The following REXO4 variants were observed in gnomAD, a reference collection of about 807,000 sequenced individuals.
REXO4 encodes the protein REX4 homolog, 3'-5' exonuclease.
Under a neutral mutation model 39.9 loss-of-function variants are expected in REXO4, and 29 were observed. That is an observed-to-expected ratio of 0.73 (90% CI 0.54 to 0.99). REXO4 has a LOEUF of 0.99. Ranked by LOEUF, REXO4 falls within the 50% of genes least tolerant of loss-of-function variation. The pLI, the probability that REXO4 is intolerant of heterozygous loss-of-function variation, is 0.00. For missense variants in REXO4, 524 were observed against 546.5 expected, an observed-to-expected ratio of 0.96 and a Z score of 0.41; for synonymous variants, 184 against 206.2, an observed-to-expected ratio of 0.89 and a Z score of 0.92.
At chr9:133,412,986 T>G (rs1384955235) in intron 2 of REXO4, 65 bp from the exon 3 acceptor site, 19 of 1,564,962 alleles carry the variant, frequency 1.2e-5, no homozygotes, top group Non-Finnish European at 1.7e-5. Context: ...GGTGGGGCTG[T>G]GGGGCTGACT....
At position 133,414,872 on chromosome 9, in the gene REXO4, C is replaced by G; in HGVS notation, c.365G>C (p.Gly122Ala). 6.2e-7 allele frequency: 1 copy of G among 1,614,166 alleles called. No homozygotes were observed. The highest frequency in any genetic ancestry group is 8.5e-7 in the Non-Finnish European group (1 of 1,180,036). The change falls in exon 2 of 8, where the codon GGA becomes GCA. Residue 122 changes from glycine to alanine, a missense_variant. Physicochemically the swap from Gly to Ala is moderately conservative, Grantham distance 60 (BLOSUM62 0). Transcript: ENST00000371942. ...GCCCCTGCTGGCCTCCTGGTCTTTT[C>G]CTGCCGGCATCTCCTCTCCCTTCAC... Reference protein sequence around the residue: ...PQVKGEEMPAGKDQEASRGSV... With the variant: ...PQVKGEEMPAAKDQEASRGSV...
intron 2 of REXO4, chr9:133,414,363 G>A (rs920010066): frequency 5.1e-6 from 3 of 593,332 alleles, no homozygotes; most frequent in Non-Finnish European, 9.5e-6. Context: ...CCACCCAACT[G>A]GCGAGAAGCA....
At position 133,412,866 on chromosome 9, in the gene REXO4, G is replaced by C. The variant is rs1839303970; in HGVS notation, c.628C>G (p.Pro210Ala). 6.2e-7 allele frequency: 1 copy of C among 1,613,976 alleles called. No individual in the cohort carries two copies. The highest frequency in any genetic ancestry group is 1.3e-5 in the African/African-American group (1 of 74,936). Residue 210 changes from proline to alanine, a missense_variant, in exon 3 of 8, where the codon CCA becomes GCA. Pro to Ala is a conservative substitution (Grantham distance 27). Coordinates refer to ENST00000371942, the MANE Select transcript of REXO4 (RefSeq NM_020385.4). ...DPADIEAAIGPEAAKIARKQL... is the reference protein window; with the variant it reads ...DPADIEAAIGAEAAKIARKQL... ...TTCCTCGCTATCTTGGCCGCCTCTG[G>C]ACCTATGGCAGCTTCGATATCCGCT...
chr9:133,415,033 A>G, intron 1 of REXO4, 22 bp from the exon 2 acceptor site: 2 of 1,559,042 alleles, frequency 1.3e-6, no homozygotes, highest in Non-Finnish European at 1.7e-6. Context: ...AATAAAATAC[A>G]TGCTGCATTT....
chr9:133,414,531 G>A (rs782643854), intron 2 of REXO4, 134 bp downstream of exon 2: 1 of 831,322 alleles, frequency 1.2e-6, no homozygotes, highest in South Asian at 1.4e-5. Context: ...GTAACAGCGA[G>A]TAAACAAAGG....
Position 133,406,935 on chromosome 9 carries a change from A to C in REXO4, c.*18T>G, listed in dbSNP as rs1554778919. 2 of 1,608,838 alleles carry C rather than the reference A, an allele frequency of 1.2e-6. No homozygotes were observed. ...ATTGCCTCTGTAGCGGGGCGGCAGCAGCAGCAGGGCAGGACTGCTAGGCGT... is the reference window on the plus strand; with the variant it reads ...ATTGCCTCTGTAGCGGGGCGGCAGCCGCAGCAGGGCAGGACTGCTAGGCGT... On this transcript the variant is annotated 3_prime_UTR_variant, in exon 8 of 8. Transcript: ENST00000371942.
intron 2 of REXO4, chr9:133,414,369 A>C (rs1344823536): frequency 3.3e-6 from 2 of 610,298 alleles, no homozygotes; most frequent in Non-Finnish European, 6.1e-6. Context: ...AACTGGCGAG[A>C]AGCAGGGACA....
chr9:133,412,929 G>C lies in REXO4; in HGVS notation c.573-8C>G. On this transcript the variant is annotated splice_polypyrimidine_tract_variant and splice_region_variant and intron_variant, in intron 2 of 7. Coordinates refer to ENST00000371942, the MANE Select transcript of REXO4 (RefSeq NM_020385.4). ...TCAAACCAGATGTCTTCCCTAAAAG[G>C]CAAAGATAACAGGCTGATCACCAGA... The C allele has an allele frequency of 1.2e-6, 2 of 1,613,268 alleles. No homozygotes were observed. The highest frequency in any genetic ancestry group is 1.7e-6 in the Non-Finnish European group (2 of 1,179,770).
chr9:133,406,954 T>A lies in REXO4; in HGVS notation c.1268A>T (p.Ter423LeuextTer47). ...GGCAGCAGCAGCAGGGCAGGACTGCTAGGCGTCGTCACTGCAGTGGTCTGG... is the reference window on the plus strand; with the variant it reads ...GGCAGCAGCAGCAGGGCAGGACTGCAAGGCGTCGTCACTGCAGTGGTCTGG... The part of the protein sequence containing the change: ...TAPDHCSDDA[*>L] Residue 423 changes from the stop codon to leucine, a stop_lost, in exon 8 of 8, where the codon TAG becomes TTG. Transcript: ENST00000371942. 6.2e-7 allele frequency: 1 copy of A among 1,610,728 alleles called. No individual in the cohort carries two copies. The highest frequency in any genetic ancestry group is 8.5e-7 in the Non-Finnish European group (1 of 1,179,964).
At position 133,408,768 on chromosome 9, in the gene REXO4, C is replaced by T. The variant is rs1839047635; in HGVS notation, c.1074G>A (p.Lys358=). The T allele has an allele frequency of 6.3e-7, 1 of 1,589,962 alleles. No homozygotes were observed. The highest frequency in any genetic ancestry group is 1.7e-5 in the Admixed American group (1 of 58,870). Residue 358 remains lysine, a splice_region_variant and synonymous_variant, in exon 6 of 8, where the codon AAG becomes AAA. Transcript: ENST00000371942. ...QKYKPFKSQV[K]SGRPSLRLLS... Reference sequence around the variant, plus strand: ...CTTGAGTCACACTCATTCTAAGTACCTTTACTTGACTCTTGAAAGGTTTAT... The same window carrying T: ...CTTGAGTCACACTCATTCTAAGTACTTTTACTTGACTCTTGAAAGGTTTAT...
rs377298465 is a variant in REXO4, at chr9:133,408,861, A to G, written c.1000-19T>C. The G allele has an allele frequency of 1.3e-6, 2 of 1,484,582 alleles. No individual in the cohort carries two copies. The highest frequency in any genetic ancestry group is 2.8e-5 in the African/African-American group (2 of 70,742). 92.0% of individuals were successfully genotyped at this position (1,484,582 alleles called of 1,614,324 possible). A position where few individuals can be genotyped will look rare whatever the true frequency, so the allele number is the denominator to read the frequency against. ...ATAGTACCTAGAAAAATAAAATATA[A>G]TGATAATCATTTTCATTTTTGGTTT... On this transcript the variant is annotated intron_variant, in intron 5 of 7. Transcript: ENST00000371942.
intron 1 of REXO4, 74 bp from the exon 2 acceptor site, chr9:133,415,085 GTGTA>G: frequency 2.5e-6 from 3 of 1,218,760 alleles, no homozygotes; most frequent in Non-Finnish European, 3.5e-6. Context: ...AAACTTACGT[GTGTA>G]TGTATATACA....
chr9:133,407,889 G>A lies in REXO4; in HGVS notation c.1075-8C>T. ...CAGAGACGGCCTTCCACTCTGCAAAGGGGGAAGAGGCGGGTGGGGGCCTCT... is the reference window on the plus strand; with the variant it reads ...CAGAGACGGCCTTCCACTCTGCAAAAGGGGAAGAGGCGGGTGGGGGCCTCT... On this transcript the variant is annotated splice_polypyrimidine_tract_variant and splice_region_variant and intron_variant, in intron 6 of 7. Coordinates refer to ENST00000371942, the MANE Select transcript of REXO4 (RefSeq NM_020385.4). The A allele has an allele frequency of 2.5e-6, 4 of 1,612,194 alleles. No homozygotes were observed. The highest frequency in any genetic ancestry group is 3.4e-6 in the Non-Finnish European group (4 of 1,178,860).
intron 5 of REXO4, among the ~76,000 whole-genome samples, chr9:133,410,337 C>A (rs1323572531): frequency 6.6e-6 from 1 of 152,222 alleles, no homozygotes; most frequent in Non-Finnish European, 1.5e-5. Context: ...CCACCCTGTT[C>A]TCCTGTAAAT....
In REXO4 at chr9:133,408,804, G is replaced by A; in HGVS notation, c.1038C>T (p.Asp346=). 1 of 1,596,248 alleles carries A rather than the reference G, an allele frequency of 6.3e-7. No individual in the cohort carries two copies. The highest frequency in any genetic ancestry group is 1.1e-5 in the South Asian group (1 of 90,432). ...TCTTGAAAGGTTTATATTTCTGTGT[G>A]TCCCGAATCTTCTTTTTTGGATGAT... ...FLDHPKKKIR[D]TQKYKPFKSQ... The change falls in exon 6 of 8, where the codon GAC becomes GAT. Residue 346 remains aspartate (D), a synonymous_variant. Transcript: ENST00000371942.
intron 5 of REXO4, among the ~76,000 whole-genome samples, chr9:133,410,310 T>G (rs587757802): frequency 2.6e-4 from 40 of 152,326 alleles, no homozygotes; most frequent in African/African-American, 9.1e-4. Flanking sequence ...CATTTGCCCA[T>G]AAACTCAAAG....
chr9:133,413,565 G>A (rs1554780780), intron 2 of REXO4, among the ~76,000 whole-genome samples: 1 of 152,172 alleles, frequency 6.6e-6, no homozygotes, highest in African/African-American at 2.4e-5. Context: ...GAACACTTAG[G>A]AAACAGACAG....
upstream of REXO4, chr9:133,418,046 C>A: frequency 1.7e-6 from 1 of 583,666 alleles, no homozygotes; most frequent in Non-Finnish European, 3.0e-6. Flanking sequence ...CGGAAGCGCT[C>A]GTCTCTCCAC....
intron 2 of REXO4, among the ~76,000 whole-genome samples, chr9:133,413,602 A>G (rs979518290): frequency 2.0e-5 from 3 of 152,210 alleles, no homozygotes; most frequent in African/African-American, 7.2e-5. Context: ...ATGGAAACAC[A>G]GAACCCCTTG....
Sources: allele counts gnomAD v4.1 joint callset (sites outside exome capture counted in the v4.1 genomes callset), GRCh38; gene constraint gnomAD v4.1.1; transcripts MANE v1.5; gene names NCBI Gene and HGNC (gene_info 2026-07-23, HGNC 2026-07-21).